Variants in RGS21 observed in about 807,000 individuals in gnomAD.
RGS21 encodes regulator of G-protein signalling 21.
RGS21 carries 19 observed loss-of-function variants against 18.7 expected under a neutral mutation model. The ratio of observed to expected loss-of-function variants is 1.01; its 90% CI spans 0.71 to 1.49. The LOEUF (loss-of-function observed/expected upper bound fraction) is 1.49. Among genes scored for constraint, RGS21 ranks in the 40% most tolerant of loss-of-function variants. RGS21 has a pLI of 0.00. For synonymous variants in RGS21, 56 were observed against 57.8 expected (o/e 0.97, Z 0.14); for missense variants, 194 against 176.8 (o/e 1.10, Z -0.55).
intron 1 of RGS21, among the ~76,000 whole-genome samples, chr1:192,340,263 A>C (rs1050656055): frequency 1.3e-5 from 2 of 152,138 alleles, no homozygotes; most frequent in African/African-American, 4.8e-5. Flanking sequence ...GTGAATGTCA[A>C]ATGAGGAGAA....
chr1:192,327,762 C>A (rs1177566341), intron 1 of RGS21, among the ~76,000 whole-genome samples: 6 of 152,062 alleles, frequency 3.9e-5, no homozygotes, highest in Non-Finnish European at 5.9e-5. Context: ...TGTGAGCCAC[C>A]ACTGGAGGCC....
chr1:192,333,076 A>G (rs1403600445), intron 1 of RGS21, among the ~76,000 whole-genome samples: 1 of 152,168 alleles, frequency 6.6e-6, no homozygotes, highest in Non-Finnish European at 1.5e-5. Context: ...AAGGGTCAAC[A>G]TCACGAGCTG....
At chr1:192,351,322 C>T (rs1316531551) in intron 3 of RGS21, among the ~76,000 whole-genome samples, 2 of 152,046 alleles carry the variant, frequency 1.3e-5, no homozygotes, top group Non-Finnish European at 2.9e-5. Context: ...GTTTTGAGAT[C>T]GAGTTGGCCT....
intron 1 of RGS21, among the ~76,000 whole-genome samples, chr1:192,322,125 A>C (rs1261334769): frequency 6.6e-6 from 1 of 152,130 alleles, no homozygotes; most frequent in African/African-American, 2.4e-5. Flanking sequence ...ACAACTACCC[A>C]GTCTTTCCCC....
intron 1 of RGS21, among the ~76,000 whole-genome samples, chr1:192,331,943 C>T (rs1278738406): frequency 2.6e-5 from 4 of 151,604 alleles, no homozygotes; most frequent in Non-Finnish European, 5.9e-5. Flanking sequence ...AAAAAGAAAT[C>T]CTTTTTAATT....
intron 4 of RGS21, among the ~76,000 whole-genome samples, chr1:192,356,699 A>AT (rs977555257): frequency 2.6e-5 from 4 of 151,672 alleles, no homozygotes; most frequent in African/African-American, 9.7e-5. Context: ...ATCTAGAAGC[A>AT]TTTTATCCTA....
intron 1 of RGS21, among the ~76,000 whole-genome samples, chr1:192,340,983 A>G (rs930810083): frequency 3.3e-5 from 5 of 152,086 alleles, no homozygotes; most frequent in African/African-American, 4.8e-5. Flanking sequence ...CAGGCAAACC[A>G]TATCAGGACC....
At chr1:192,317,873 T>C (rs560961350) in intron 1 of RGS21, among the ~76,000 whole-genome samples, 1 of 152,144 alleles carries the variant, frequency 6.6e-6, no homozygotes, top group East Asian at 1.9e-4. Flanking sequence ...TTAGTTTATA[T>C]AATTTTAGTT....
intron 4 of RGS21, among the ~76,000 whole-genome samples, chr1:192,364,519 A>G (rs1048415702): frequency 6.6e-6 from 1 of 152,108 alleles, no homozygotes; most frequent in Non-Finnish European, 1.5e-5. Flanking sequence ...GGAAATTGAA[A>G]ATTAAAGGAA....
chr1:192,364,325 C>A (rs1002804358), intron 4 of RGS21, among the ~76,000 whole-genome samples: 1 of 152,110 alleles, frequency 6.6e-6, no homozygotes, highest in Non-Finnish European at 1.5e-5. Flanking sequence ...TCATGAGTAG[C>A]TGAAGTCCCA....
At chr1:192,332,477 A>T (rs1031706865) in intron 1 of RGS21, among the ~76,000 whole-genome samples, 2 of 152,224 alleles carry the variant, frequency 1.3e-5, no homozygotes, top group South Asian at 4.1e-4. Flanking sequence ...TAAATGAATC[A>T]TAGATTTAAA....
intron 1 of RGS21, among the ~76,000 whole-genome samples, chr1:192,321,307 C>T (rs1441465762): frequency 6.6e-6 from 1 of 151,866 alleles, no homozygotes; most frequent in East Asian, 1.9e-4. Context: ...AATGAAACCA[C>T]CAATTTAATT....
intron 1 of RGS21, among the ~76,000 whole-genome samples, chr1:192,331,055 G>A (rs772275190): frequency 2.6e-5 from 4 of 152,108 alleles, no homozygotes; most frequent in Non-Finnish European, 4.4e-5. Context: ...TATGGTTGAT[G>A]TATATGTTAT....
intron 1 of RGS21, among the ~76,000 whole-genome samples, chr1:192,328,651 G>A (rs950588703): frequency 6.6e-6 from 1 of 152,046 alleles, no homozygotes; most frequent in African/African-American, 2.4e-5. Context: ...GGGAAGATTG[G>A]AAATAATTAT....
chr1:192,330,121 A>T (rs1658623818), intron 1 of RGS21, among the ~76,000 whole-genome samples: 2 of 152,176 alleles, frequency 1.3e-5, no homozygotes, highest in Admixed American at 1.3e-4. Flanking sequence ...ATCCTTATGG[A>T]ATAAGAAGTC....
intron 1 of RGS21, among the ~76,000 whole-genome samples, chr1:192,339,226 A>C (rs1936673): frequency 2.1e-5 from 3 of 141,452 alleles, no homozygotes; most frequent in Non-Finnish European, 4.8e-5. Flanking sequence ...ATTTTTTTTT[A>C]AAAAAAAAGA....
intron 4 of RGS21, among the ~76,000 whole-genome samples, chr1:192,364,554 C>T (rs1007706617): frequency 6.6e-6 from 1 of 152,080 alleles, no homozygotes; most frequent in African/African-American, 2.4e-5. Flanking sequence ...TTCACTCATG[C>T]AAACAGCAAG....
intron 4 of RGS21, among the ~76,000 whole-genome samples, chr1:192,359,554 G>A (rs951275317): frequency 4.0e-4 from 61 of 151,566 alleles, no homozygotes; most frequent in African/African-American, 1.4e-3. Context: ...GGAGTGCCAA[G>A]TTGGGAGTGC....
chr1:192,360,980 T>C (rs1400415239), intron 4 of RGS21, among the ~76,000 whole-genome samples: 1 of 152,018 alleles, frequency 6.6e-6, no homozygotes, highest in Non-Finnish European at 1.5e-5. Context: ...CCTAAGCACC[T>C]ACTCCATAAA....
Sources: gnomAD v4.1 joint callset for allele counts (sites outside exome capture counted in the v4.1 genomes callset) on GRCh38, gnomAD v4.1.1 for gene constraint, MANE v1.5 for transcripts, NCBI Gene and HGNC (gene_info 2026-07-23, HGNC 2026-07-21) for gene names.